Variants in MRPL48 observed in about 807,000 individuals in gnomAD.
MRPL48 encodes the protein large ribosomal subunit protein mL48.
Under a neutral mutation model 32.9 loss-of-function variants are expected in MRPL48, and 16 were observed. That is an observed-to-expected ratio of 0.49 (90% CI 0.33 to 0.74). The LOEUF is 0.74. Among genes scored for constraint, MRPL48 ranks in the 30% least tolerant of loss-of-function variants. The pLI, the probability that MRPL48 is intolerant of heterozygous loss-of-function variation, is 0.02. For missense variants in MRPL48, 206 were observed against 245.3 expected (o/e 0.84, Z 1.07); for synonymous variants, 94 against 89.2 (o/e 1.05, Z -0.31).
intron 3 of MRPL48, among the ~76,000 whole-genome samples, chr11:73,820,385 C>T (rs548278657): frequency 3.9e-5 from 6 of 152,182 alleles, no homozygotes; most frequent in East Asian, 1.9e-4. Flanking sequence ...CCATCACACC[C>T]GGCTAATTTT....
intron 3 of MRPL48, among the ~76,000 whole-genome samples, chr11:73,824,148 C>T (rs1430887898): frequency 6.6e-6 from 1 of 152,064 alleles, no homozygotes; most frequent in Non-Finnish European, 1.5e-5. Context: ...GCCACCGCAC[C>T]TGGCCAAGAC....
intron 2 of MRPL48, among the ~76,000 whole-genome samples, chr11:73,806,722 A>T (rs1947460366): frequency 6.6e-6 from 1 of 152,118 alleles, no homozygotes; most frequent in Non-Finnish European, 1.5e-5. Context: ...AGATGATATT[A>T]TCTCAATTTT....
At position 73,788,618 on chromosome 11, in the gene MRPL48, C is replaced by T. The variant is rs560643716; in HGVS notation, c.21+626C>T. 2.0e-5 allele frequency among the ~76,000 whole-genome samples: 3 copies of T among 151,750 alleles called. No homozygotes were observed. The South Asian group carries it at 6.3e-4, about 32-fold the overall frequency. On this transcript the variant is annotated intron_variant, in intron 1 of 7. Coordinates refer to ENST00000310614, the MANE Select transcript of MRPL48 (RefSeq NM_016055.6). The stretch of plus-strand genomic sequence containing the variant: ...CCTCCTCAGTAGCTGGGACTACAGG[C>T]GCGGGACACCATGCCGGGCTAATTT...
At chr11:73,800,178 G>T (rs1194800102) in intron 1 of MRPL48, among the ~76,000 whole-genome samples, 1 of 151,912 alleles carries the variant, frequency 6.6e-6, no homozygotes, top group African/African-American at 2.4e-5. Flanking sequence ...GGAGGCCAAG[G>T]CAGGAAGATT....
At chr11:73,845,121 C>G in intron 5 of MRPL48, 145 bp downstream of exon 5, 1 of 785,912 alleles carries the variant, frequency 1.3e-6, no homozygotes, top group Non-Finnish European at 1.8e-6. Context: ...AAAATATAGA[C>G]TAGTTCTATT....
chr11:73,834,594 C>T (rs1244643560), intron 4 of MRPL48, among the ~76,000 whole-genome samples: 8 of 148,368 alleles, frequency 5.4e-5, no homozygotes, highest in East Asian at 2.0e-4. Flanking sequence ...AGTGCAGCGG[C>T]GCGATCTCGG....
At chr11:73,821,783 G>A (rs570012721) in intron 3 of MRPL48, among the ~76,000 whole-genome samples, 2 of 152,266 alleles carry the variant, frequency 1.3e-5, no homozygotes, top group South Asian at 2.1e-4. Flanking sequence ...GGCAATGCGT[G>A]GTACCTATCA....
chr11:73,836,938 T>A (rs753432641), intron 4 of MRPL48, among the ~76,000 whole-genome samples: 18 of 152,188 alleles, frequency 1.2e-4, no homozygotes, highest in Non-Finnish European at 2.2e-4. Flanking sequence ...AGGCCATGCC[T>A]CCTTGCTACC....
chr11:73,850,529 T>C (rs988912666), intron 5 of MRPL48: 46 of 390,348 alleles, frequency 1.2e-4, no homozygotes, highest in Non-Finnish European at 2.1e-4. Flanking sequence ...GCCTTTGTCT[T>C]TTACTATTTC....
chr11:73,808,357 AG>A lies in MRPL48; in HGVS notation c.112+8del, dbSNP rs768038904. ...AAGCCCATCTATTCTGTAGGTAAGC[AG>A]TTTTTACCTGATGTAGTTGGCCTGC... On this transcript the variant is annotated splice_region_variant and intron_variant, in intron 3 of 7. Coordinates refer to ENST00000310614, the MANE Select transcript of MRPL48 (RefSeq NM_016055.6). 2.9e-5 allele frequency: 47 copies of A among 1,606,228 alleles called. No homozygotes were observed. In the African/African-American group the frequency reaches 6.1e-4, roughly 21 times the overall value.
intron 5 of MRPL48, among the ~76,000 whole-genome samples, chr11:73,848,888 C>T (rs12786752): frequency 0.033 from 4,942 of 151,830 alleles, 120 homozygotes; most frequent in Middle Eastern, 0.065. Flanking sequence ...GGCGTGATCT[C>T]GGCTCACTGC....
intron 5 of MRPL48, among the ~76,000 whole-genome samples, chr11:73,850,284 C>T (rs1948365297): frequency 6.6e-6 from 1 of 150,842 alleles, no homozygotes; most frequent in African/African-American, 2.4e-5. Context: ...CAGTTGATTA[C>T]TCCATAATTA....
intron 3 of MRPL48, among the ~76,000 whole-genome samples, chr11:73,820,769 A>G (rs1463585567): frequency 6.6e-6 from 1 of 151,984 alleles, no homozygotes; most frequent in Non-Finnish European, 1.5e-5. Flanking sequence ...ACAGATTTTA[A>G]AAGGTGCAAA....
intron 1 of MRPL48, among the ~76,000 whole-genome samples, chr11:73,790,471 G>A (rs113218026): frequency 0.012 from 1,540 of 124,500 alleles, 21 homozygotes; most frequent in African/African-American, 0.042. Context: ...TGCAAGCTCC[G>A]CCTCCCGGGT....
chr11:73,816,385 G>A (rs183575416), intron 3 of MRPL48, among the ~76,000 whole-genome samples: 2 of 131,538 alleles, frequency 1.5e-5, no homozygotes, highest in African/African-American at 5.7e-5. Context: ...ACTTCATCTT[G>A]TTTCATTGAT....
intron 1 of MRPL48, among the ~76,000 whole-genome samples, chr11:73,793,262 T>A (rs1311110147): frequency 6.6e-6 from 1 of 152,144 alleles, no homozygotes; most frequent in African/African-American, 2.4e-5. Context: ...ATGGGGTTTC[T>A]CCATGTTGGT....
chr11:73,826,791 T>C (rs2135014205), intron 4 of MRPL48, among the ~76,000 whole-genome samples: 1 of 150,768 alleles, frequency 6.6e-6, no homozygotes, highest in South Asian at 2.1e-4. Flanking sequence ...TTTTTTTTTT[T>C]TTGAGATGGA....
intron 3 of MRPL48, among the ~76,000 whole-genome samples, chr11:73,811,542 G>A (rs540011184): frequency 1.3e-5 from 2 of 152,076 alleles, no homozygotes; most frequent in African/African-American, 4.8e-5. Flanking sequence ...AATAAACCCA[G>A]AATTGGCAAC....
At chr11:73,853,674 T>C (rs11235928) in intron 5 of MRPL48, among the ~76,000 whole-genome samples, 18,207 of 140,080 alleles carry the variant, frequency 0.13, 1,358 homozygotes, top group African/African-American at 0.15. Context: ...GAATTAGAGA[T>C]AGCTTCTTTT....
Sources: gnomAD v4.1 joint callset for allele counts (sites outside exome capture counted in the v4.1 genomes callset) on GRCh38, gnomAD v4.1.1 for gene constraint, MANE v1.5 for transcripts, NCBI Gene and HGNC (gene_info 2026-07-23, HGNC 2026-07-21) for gene names.